Variants in ZDHHC1 observed in about 807,000 individuals in gnomAD.
ZDHHC1 encodes the protein palmitoyltransferase ZDHHC1.
ZDHHC1 carries 45 observed loss-of-function variants against 46.9 expected under a neutral mutation model. That is an observed-to-expected ratio of 0.96 (90% confidence interval 0.76 to 1.23). The LOEUF is 1.23. Among genes scored for constraint, ZDHHC1 ranks in the 50% most tolerant of loss-of-function variants. The probability of loss-of-function intolerance (pLI) is 0.00; values close to 1 mark genes in which losing one functional copy is unlikely to be tolerated. For missense variants in ZDHHC1, 649 were observed against 670.8 expected, an observed-to-expected ratio of 0.97 and a Z score of 0.36; for synonymous variants, 291 against 286.0, an observed-to-expected ratio of 1.02 and a Z score of -0.18.
rs540012650 is a variant in ZDHHC1, at chr16:67,406,855, C to T, written c.10-413G>A. Among the ~76,000 whole-genome samples the T allele has an allele frequency of 4.7e-4, 72 of 152,298 alleles. 1 individual carries two copies. Among genetic ancestry groups the T allele is most frequent in the South Asian group, 1.7e-3 (8 of 4,830 alleles). On this transcript the variant is annotated intron_variant, in intron 2 of 11. Coordinates refer to ENST00000565726, the MANE Select transcript of ZDHHC1 (RefSeq NM_001323627.2). This position sits in a 1 kb window ranked among gnomAD's most constrained non-coding sequence, Gnocchi z 4.1. ...GGATTAGTCACCTCCTTCCTGAGGT[C>T]CAAATGCAAGTGTCAGACACCCCCG...
rs116843861 is a variant in ZDHHC1 at position 67,399,390 on chromosome 16, C to T, written c.495G>A (p.Lys165=). 18,314 of 1,613,302 alleles carry T rather than the reference C, an allele frequency of 0.011. 147 individuals are homozygous for T. Among genetic ancestry groups the T allele is most frequent in the Non-Finnish European group, 0.014 (16,992 of 1,179,828 alleles). ...GCTCGCCCACACAGTTGTTGAGCCA[C>T]TTGCAGTGGTGGTCGAAACCGCACA... ...KCVCGFDHHC[K]WLNNCVGERN... Residue 165 remains lysine (K), a synonymous_variant, in exon 5 of 12, where the codon AAG becomes AAA. Coordinates refer to ENST00000565726, the MANE Select transcript of ZDHHC1 (RefSeq NM_001323627.2).
chr16:67,396,592 C>T (rs1341999311), intron 8 of ZDHHC1, among the ~76,000 whole-genome samples: 1 of 152,194 alleles, frequency 6.6e-6, no homozygotes, highest in Non-Finnish European at 1.5e-5. Flanking sequence ...GCCTGCAGGG[C>T]CCTGACAGAT....
At chr16:67,399,579 C>A (rs965015675) in intron 4 of ZDHHC1, 123 bp from the exon 5 acceptor site, 31 of 730,062 alleles carry the variant, frequency 4.2e-5, no homozygotes, top group African/African-American at 7.4e-5. Flanking sequence ...CAGCCCCGAG[C>A]GAGGCGACGA....
Position 67,406,787 on chromosome 16 carries a change from C to G in ZDHHC1, c.10-345G>C, listed in dbSNP as rs1210589032. ...ACATGTTCTCATCTGGTAACAATAT[C>G]AGGCTGGGGCCAGAGTGATGAGAAC... is the stretch of plus-strand genomic sequence containing the variant. On this transcript the variant is annotated intron_variant, in intron 2 of 11. Transcript: ENST00000565726. The surrounding 1 kb of genome is among the most constrained non-coding windows in gnomAD (Gnocchi z 4.1). Among the ~76,000 whole-genome samples the G allele has an allele frequency of 6.6e-6, 1 of 152,226 alleles. No homozygotes were observed. Among genetic ancestry groups the G allele is most frequent in the Non-Finnish European group, 1.5e-5 (1 of 68,036 alleles).
intron 7 of ZDHHC1, 92 bp downstream of exon 7, chr16:67,398,481 G>C: frequency 6.5e-7 from 1 of 1,531,748 alleles, no homozygotes; most frequent in South Asian, 1.2e-5. Flanking sequence ...TACTAGGCAG[G>C]GGCATGGTTT....
Position 67,416,423 on chromosome 16 carries a change from C to G in ZDHHC1, c.-291G>C. On this transcript the variant is annotated 5_prime_UTR_variant, in exon 1 of 12. Transcript: ENST00000565726. ...GCTCCGGCTCCGGCTCCGGCTCCAG[C>G]AGGCTGGAGGGGCGGCCAGGCCAGA... is the stretch of plus-strand genomic sequence containing the variant. 1 of 210,958 alleles carries G rather than the reference C, an allele frequency of 4.7e-6. No homozygotes were observed. Among genetic ancestry groups the G allele is most frequent in the South Asian group, 5.1e-5 (1 of 19,620 alleles). 13.1% of individuals were successfully genotyped at this position (210,958 alleles called of 1,614,324 possible).
rs936777144 is a variant in ZDHHC1 at position 67,411,091 on chromosome 16, C to CA, written c.-38-3279dup. 7.4e-4 allele frequency among the ~76,000 whole-genome samples: 110 copies of CA among 147,864 alleles called. 1 individual carries two copies. Among genetic ancestry groups the CA allele is most frequent in the Middle Eastern group, 3.5e-3 (1 of 288 alleles). ...TCCTCCTGCCCACCTCTGCTCCCAA[C>CA]AAAAAAAAAACCATTTAGGAATGTT... is the stretch of plus-strand genomic sequence containing the variant. On this transcript the variant is annotated intron_variant, in intron 1 of 11. Coordinates refer to ENST00000565726, the MANE Select transcript of ZDHHC1 (RefSeq NM_001323627.2).
chr16:67,398,544 T>A (rs1490087879), intron 7 of ZDHHC1, 29 bp downstream of exon 7: 2 of 1,574,958 alleles, frequency 1.3e-6, no homozygotes, highest in Non-Finnish European at 1.7e-6. Context: ...ACCCCTGCGT[T>A]CCAGAAGGCA....
chr16:67,407,747 C>T lies in ZDHHC1; in HGVS notation c.9+20G>A, dbSNP rs1399204941. ...ATCTCTGTCCCCTATGTCCCTTCCCCCAGGCACCCAAAATTGTACCTTGTA... is the reference window on the plus strand; with the variant it reads ...ATCTCTGTCCCCTATGTCCCTTCCCTCAGGCACCCAAAATTGTACCTTGTA... On this transcript the variant is annotated intron_variant, in intron 2 of 11. Transcript: ENST00000565726. 1.3e-6 allele frequency: 1 copy of T among 781,032 alleles called. No individual in the cohort carries two copies. The highest frequency in any genetic ancestry group is 2.4e-6 in the Non-Finnish European group (1 of 418,100). 48.4% of individuals were successfully genotyped at this position (781,032 alleles called of 1,614,324 possible).
chr16:67,402,011 C>T (rs1172102238), intron 3 of ZDHHC1, among the ~76,000 whole-genome samples: 1 of 152,170 alleles, frequency 6.6e-6, no homozygotes, highest in Non-Finnish European at 1.5e-5. Flanking sequence ...ATCCATCTGC[C>T]ATCCTTCATT....
chr16:67,415,571 A>C (rs925854907), intron 1 of ZDHHC1, among the ~76,000 whole-genome samples: 1 of 152,190 alleles, frequency 6.6e-6, no homozygotes, highest in Non-Finnish European at 1.5e-5. Context: ...AGCCTGGCCA[A>C]CATGGTGAAA....
chr16:67,413,934 G>A (rs927653155), intron 1 of ZDHHC1, among the ~76,000 whole-genome samples: 11 of 116,312 alleles, frequency 9.5e-5, no homozygotes, highest in South Asian at 5.7e-4. Context: ...GCGAGACTCC[G>A]TCTCAAAAAA....
intron 1 of ZDHHC1, among the ~76,000 whole-genome samples, chr16:67,410,166 G>A (rs916000395): frequency 1.2e-4 from 19 of 152,198 alleles, no homozygotes; most frequent in Non-Finnish European, 2.9e-5. Context: ...CAATGGCTCA[G>A]GGTGCTTTGG....
At chr16:67,409,197 G>C (rs2040710856) in intron 1 of ZDHHC1, among the ~76,000 whole-genome samples, 1 of 152,030 alleles carries the variant, frequency 6.6e-6, no homozygotes, top group Admixed American at 6.5e-5. Context: ...TACAGCCTTG[G>C]GGATGGCTCT....
chr16:67,404,707 G>A, intron 3 of ZDHHC1: 2 of 455,816 alleles, frequency 4.4e-6, no homozygotes, highest in Non-Finnish European at 8.8e-6. Context: ...GAACCTCTGT[G>A]CCCAGCTTCT....
rs2040374744 is a variant in ZDHHC1, at chr16:67,394,485, G to T, written c.*125C>A. On this transcript the variant is annotated 3_prime_UTR_variant, in exon 12 of 12. Coordinates refer to ENST00000565726, the MANE Select transcript of ZDHHC1 (RefSeq NM_001323627.2). ...GTGGGGCGGGTATTGCTGAGTCGTG[G>T]GGGAGGGAGGCCGATCCCGCCGGCC... The T allele has an allele frequency of 3.7e-6, 3 of 814,684 alleles. No individual in the cohort carries two copies. In the East Asian group the frequency reaches 1.8e-4, roughly 48 times the overall value. The allele number at this position is 814,684 out of a possible 1,614,324, so 50.5% of individuals were successfully genotyped here.
rs747016593 is a variant in ZDHHC1, at chr16:67,406,991, C to T, written c.10-549G>A. ...GGACTGGGGGAGTCTGAAGCTCTGC[C>T]CCATGCTGCCTGAGGGTTCTCAGCT... is the stretch of plus-strand genomic sequence containing the variant. On this transcript the variant is annotated intron_variant, in intron 2 of 11. Transcript: ENST00000565726. This position sits in a 1 kb window ranked among gnomAD's most constrained non-coding sequence, Gnocchi z 4.1. 1.7e-4 allele frequency among the ~76,000 whole-genome samples: 26 copies of T among 152,170 alleles called. No homozygotes were observed. Among genetic ancestry groups the T allele is most frequent in the Non-Finnish European group, 3.4e-4 (23 of 68,016 alleles).
chr16:67,413,209 C>T (rs574341226), intron 1 of ZDHHC1, among the ~76,000 whole-genome samples: 7 of 152,028 alleles, frequency 4.6e-5, no homozygotes, highest in South Asian at 4.2e-4. Flanking sequence ...CCTCCCAAAG[C>T]GCTGGGATTA....
At chr16:67,399,308 C>T (rs773554875) in intron 5 of ZDHHC1, 47 bp downstream of exon 5, 1 of 1,544,732 alleles carries the variant, frequency 6.5e-7, no homozygotes, top group Non-Finnish European at 8.9e-7. Context: ...GGCTCCCACC[C>T]TCAGACAGTG....
Sources: allele counts gnomAD v4.1 joint callset (sites outside exome capture counted in the v4.1 genomes callset), GRCh38; gene constraint gnomAD v4.1.1; non-coding constraint Gnocchi (gnomAD v3.1); transcripts MANE v1.5; gene names NCBI Gene and HGNC (gene_info 2026-07-23, HGNC 2026-07-21).